The following RGS12 variants were observed in gnomAD, a reference collection of about 807,000 sequenced individuals.
RGS12 encodes the protein regulator of G-protein signaling 12.
Under a neutral mutation model 120.1 loss-of-function variants are expected in RGS12, and 66 were observed. The ratio of observed to expected loss-of-function variants is 0.55; its 90% confidence interval spans 0.45 to 0.67. RGS12 has a LOEUF of 0.67. Ranked by LOEUF, RGS12 falls within the 30% of genes least tolerant of loss-of-function variation. The pLI, the probability that RGS12 is intolerant of heterozygous loss-of-function variation, is 0.00. For synonymous variants in RGS12, 827 were observed against 804.7 expected, an observed-to-expected ratio of 1.03 and a Z score of -0.47; for missense variants, 1,859 against 1,957.7, an observed-to-expected ratio of 0.95 and a Z score of 0.95.
At position 3,414,093 on chromosome 4, in the gene RGS12, A is replaced by G. The variant is rs1046003003; in HGVS notation, c.2042A>G (p.Lys681Arg). The change falls in exon 5 of 18, where the codon AAG becomes AGG. Residue 681 changes from lysine to arginine, a missense_variant. Transcript: ENST00000336727. ...GCAGAGTTGACGGGCGCCGACCTGA[A>G]GGACTGCGTCAGCAACAACAGCCTG... The part of the protein sequence containing the change: ...SDGELTGADL[K>R]DCVSNNSLSS... 8 of 1,570,260 alleles carry G rather than the reference A, an allele frequency of 5.1e-6. No homozygotes were observed. Among genetic ancestry groups the G allele is most frequent in the Non-Finnish European group, 6.9e-6 (8 of 1,163,214 alleles).
chr4:3,383,621 A>T (rs954923130), intron 3 of RGS12, among the ~76,000 whole-genome samples: 1 of 152,176 alleles, frequency 6.6e-6, no homozygotes, highest in Non-Finnish European at 1.5e-5. Flanking sequence ...AAGTATGTGT[A>T]TCTCTCTACT....
At chr4:3,361,512 A>ATGGGGCC (rs1715556661) in intron 3 of RGS12, among the ~76,000 whole-genome samples, 1 of 152,162 alleles carries the variant, frequency 6.6e-6, no homozygotes, top group Non-Finnish European at 1.5e-5. Flanking sequence ...TGAAAGCAAG[A>ATGGGGCC]TGGGGCCTGG....
At chr4:3,353,343 G>A (rs1714552737) in intron 3 of RGS12, among the ~76,000 whole-genome samples, 1 of 152,134 alleles carries the variant, frequency 6.6e-6, no homozygotes, top group African/African-American at 2.4e-5. Context: ...GCGTCCTGGG[G>A]GGATGTTACT....
chr4:3,428,456 C>T (rs1007924369), intron 15 of RGS12, 102 bp from the exon 16 acceptor site: 3 of 1,036,966 alleles, frequency 2.9e-6, no homozygotes, highest in Non-Finnish European at 4.3e-6. Flanking sequence ...AATTCTGTAT[C>T]AATGCAATCT....
intron 3 of RGS12, among the ~76,000 whole-genome samples, chr4:3,362,544 T>G (rs1268629394): frequency 9.8e-6 from 1 of 102,228 alleles, no homozygotes; most frequent in African/African-American, 3.9e-5. Context: ...TGAGGGTTTG[T>G]GTGAGGGTGT....
At chr4:3,375,376 CCCTCATCTCCAG>C (rs555405354) in intron 3 of RGS12, among the ~76,000 whole-genome samples, 2,143 of 78,226 alleles carry the variant, frequency 0.027, 361 homozygotes, top group South Asian at 0.045. Context: ...TCATCTTCAG[CCCTCATCTCCAG>C]CCTCATCTCC....
chr4:3,309,592 G>A (rs1724209948), intron 1 of RGS12, among the ~76,000 whole-genome samples: 1 of 134,460 alleles, frequency 7.4e-6, no homozygotes, highest in Non-Finnish European at 1.6e-5. Flanking sequence ...GAACTGTGTT[G>A]AGGAGGAGCT....
chr4:3,293,310 CGGGGCGGGGCGGGGGCG>C (rs1419870740), intron 1 of RGS12, among the ~76,000 whole-genome samples: 1 of 142,298 alleles, frequency 7.0e-6, no homozygotes, highest in Non-Finnish European at 1.6e-5. Flanking sequence ...CGGCGCGGGG[CGGGGCGGGGCGGGGGCG>C]GGGGCGGGCG....
chr4:3,351,026 T>C (rs1282865167), intron 3 of RGS12, among the ~76,000 whole-genome samples: 1 of 152,198 alleles, frequency 6.6e-6, no homozygotes, highest in Non-Finnish European at 1.5e-5. Context: ...CTTTTATCTG[T>C]GGCTAAGTTC....
chr4:3,328,028 GCATCTATA>G (rs1287814086), intron 2 of RGS12, among the ~76,000 whole-genome samples: 5 of 152,236 alleles, frequency 3.3e-5, no homozygotes, highest in Non-Finnish European at 7.3e-5. Flanking sequence ...AGGAAACATG[GCATCTATA>G]CCCAATGGAA....
intron 3 of RGS12, among the ~76,000 whole-genome samples, chr4:3,371,489 G>C (rs1330700322): frequency 1.3e-5 from 2 of 152,176 alleles, no homozygotes; most frequent in East Asian, 3.8e-4. Context: ...TCCGAGTAAA[G>C]TCATTAAAAA....
intron 2 of RGS12, among the ~76,000 whole-genome samples, chr4:3,326,361 C>T (rs1475148384): frequency 3.3e-5 from 5 of 152,214 alleles, no homozygotes; most frequent in African/African-American, 4.8e-5. Flanking sequence ...ATCCTCCCGC[C>T]TCAGCCTCCC....
At chr4:3,396,318 A>T (rs551658095) in intron 4 of RGS12, among the ~76,000 whole-genome samples, 1 of 152,292 alleles carries the variant, frequency 6.6e-6, no homozygotes, top group South Asian at 2.1e-4. Flanking sequence ...AATCCAGTTT[A>T]TCATTTTTCC....
intron 3 of RGS12, among the ~76,000 whole-genome samples, chr4:3,381,270 A>G (rs963973137): frequency 3.9e-5 from 6 of 152,218 alleles, no homozygotes; most frequent in African/African-American, 1.4e-4. Flanking sequence ...GATCTCTAGG[A>G]AGTTCAAACT....
intron 7 of RGS12, among the ~76,000 whole-genome samples, chr4:3,416,406 G>C (rs1722405137): frequency 1.3e-5 from 2 of 152,216 alleles, no homozygotes; most frequent in South Asian, 4.1e-4. Context: ...TGCGTGTGTG[G>C]AATCACACCT....
At chr4:3,342,742 G>GT (rs112112932) in intron 2 of RGS12, among the ~76,000 whole-genome samples, 195 bp from the exon 3 acceptor site, 33 of 149,676 alleles carry the variant, frequency 2.2e-4, no homozygotes, top group South Asian at 1.7e-3. Context: ...TGGGATGACT[G>GT]TTTTTTTTTC....
chr4:3,392,924 G>A (rs1178938971), intron 4 of RGS12, among the ~76,000 whole-genome samples: 3 of 152,200 alleles, frequency 2.0e-5, no homozygotes, highest in African/African-American at 7.2e-5. Context: ...GGAGGCAGAG[G>A]TTGTAGTGAG....
At chr4:3,370,624 T>C (rs1477952974) in intron 3 of RGS12, among the ~76,000 whole-genome samples, 1 of 152,264 alleles carries the variant, frequency 6.6e-6, no homozygotes, top group Non-Finnish European at 1.5e-5. Context: ...GTTTTTCCTT[T>C]ACCGTGGTAA....
At chr4:3,432,675 G>A (rs1724431249) in intron 17 of RGS12, among the ~76,000 whole-genome samples, 1 of 152,226 alleles carries the variant, frequency 6.6e-6, no homozygotes, top group African/African-American at 2.4e-5. Flanking sequence ...GGGTGGTACC[G>A]GCCTTGGGAG....
Sources: gnomAD v4.1 joint callset for allele counts (sites outside exome capture counted in the v4.1 genomes callset) on GRCh38, gnomAD v4.1.1 for gene constraint, MANE v1.5 for transcripts, NCBI Gene and HGNC (gene_info 2026-07-23, HGNC 2026-07-21) for gene names.